The following UVRAG variants were observed in gnomAD, a reference collection of about 807,000 sequenced individuals.
UVRAG encodes the protein UV radiation resistance-associated gene protein.
Under a neutral mutation model 78.0 loss-of-function variants are expected in UVRAG, and 19 were observed. That is an observed-to-expected ratio of 0.24 (90% CI 0.17 to 0.36). The LOEUF is 0.36. UVRAG is among the 10% of genes least tolerant of loss of function. UVRAG has a pLI of 1.00. For missense variants in UVRAG, 740 were observed against 853.8 expected (o/e 0.87, Z 1.66); for synonymous variants, 323 against 324.6 (o/e 1.00, Z 0.05).
intron 6 of UVRAG, among the ~76,000 whole-genome samples, chr11:75,917,810 A>G (rs1297029188): frequency 6.6e-6 from 1 of 152,180 alleles, no homozygotes; most frequent in African/African-American, 2.4e-5. Context: ...GATATAGTTG[A>G]TGATAAACCA....
At chr11:75,848,830 T>C (rs1946090238) in intron 1 of UVRAG, among the ~76,000 whole-genome samples, 1 of 152,262 alleles carries the variant, frequency 6.6e-6, no homozygotes, top group African/African-American at 2.4e-5. Context: ...TTTCCTTCTT[T>C]TGAGATATCT....
intron 1 of UVRAG, among the ~76,000 whole-genome samples, chr11:75,819,093 C>T (rs751545647): frequency 1.3e-5 from 2 of 152,086 alleles, no homozygotes; most frequent in African/African-American, 4.8e-5. Context: ...AGAGAGTATC[C>T]TTGTTATTAT....
At chr11:75,858,452 G>GT (rs1490536277) in intron 2 of UVRAG, among the ~76,000 whole-genome samples, 12 of 151,798 alleles carry the variant, frequency 7.9e-5, no homozygotes, top group Admixed American at 2.0e-4. Flanking sequence ...CCTGTATTTT[G>GT]TTTTTTTCTG....
At chr11:75,937,268 G>A (rs1482504439) in intron 6 of UVRAG, among the ~76,000 whole-genome samples, 1 of 152,124 alleles carries the variant, frequency 6.6e-6, no homozygotes, top group Non-Finnish European at 1.5e-5. Context: ...AACCTGAGAG[G>A]CAGAGGTTGC....
intron 6 of UVRAG, among the ~76,000 whole-genome samples, chr11:75,937,757 A>G (rs1056949603): frequency 1.3e-5 from 2 of 152,072 alleles, no homozygotes; most frequent in African/African-American, 4.8e-5. Flanking sequence ...GTATTCTTGC[A>G]TCTGTGGGTT....
intron 14 of UVRAG, among the ~76,000 whole-genome samples, chr11:76,120,922 T>A (rs1952262289): frequency 6.6e-6 from 1 of 152,220 alleles, no homozygotes; most frequent in African/African-American, 2.4e-5. Flanking sequence ...GGCTCTTACA[T>A]CTTTTGTAAA....
rs192024939 is a variant in UVRAG at position 75,969,682 on chromosome 11, T to C, written c.699+8133T>C. On this transcript the variant is annotated intron_variant, in intron 7 of 14. Coordinates refer to ENST00000356136, the MANE Select transcript of UVRAG (RefSeq NM_003369.4). ...TTTTCTGCTGTTTTCTCAGCTTGAATGTCTTTAACAGATGATCATACCATC... is the reference window on the plus strand; with the variant it reads ...TTTTCTGCTGTTTTCTCAGCTTGAACGTCTTTAACAGATGATCATACCATC... Among the ~76,000 whole-genome samples the C allele has an allele frequency of 2.4e-3, 370 of 152,340 alleles. 1 individual carries two copies. The highest frequency in any genetic ancestry group is 0.02 in the Middle Eastern group (6 of 294).
chr11:76,058,256 C>T (rs992940533), intron 12 of UVRAG, among the ~76,000 whole-genome samples: 2 of 152,068 alleles, frequency 1.3e-5, no homozygotes, highest in African/African-American at 2.4e-5. Context: ...TAGGTCCGGG[C>T]ATGGTCACTC....
chr11:75,844,235 C>CT (rs757418052), intron 1 of UVRAG, among the ~76,000 whole-genome samples: 2,494 of 148,040 alleles, frequency 0.017, 31 homozygotes, highest in Non-Finnish European at 0.025. Flanking sequence ...TTCTTTTTTT[C>CT]TTTTTTTTTT....
At chr11:76,059,498 C>T (rs2134368009) in intron 12 of UVRAG, among the ~76,000 whole-genome samples, 1 of 152,302 alleles carries the variant, frequency 6.6e-6, no homozygotes, top group Middle Eastern at 3.4e-3. Flanking sequence ...CCTTTCCCCA[C>T]CCACCCAGGC....
chr11:75,994,503 A>G (rs1949669539), intron 8 of UVRAG, among the ~76,000 whole-genome samples: 1 of 152,216 alleles, frequency 6.6e-6, no homozygotes, highest in Non-Finnish European at 1.5e-5. Context: ...AAACTTTGCA[A>G]AACATTCGTT....
At chr11:75,831,507 A>C (rs11236550) in intron 1 of UVRAG, among the ~76,000 whole-genome samples, 8,087 of 150,146 alleles carry the variant, frequency 0.054, 518 homozygotes, top group African/African-American at 0.16. Flanking sequence ...AACAAACAAA[A>C]AAAAAAAACA....
intron 13 of UVRAG, among the ~76,000 whole-genome samples, chr11:76,107,320 TG>T (rs1951989114): frequency 6.6e-6 from 1 of 152,222 alleles, no homozygotes; most frequent in Non-Finnish European, 1.5e-5. Flanking sequence ...TTCTGGTCCC[TG>T]GACTCAACCT....
chr11:75,841,658 C>T (rs1011722910), intron 1 of UVRAG, among the ~76,000 whole-genome samples: 5 of 152,118 alleles, frequency 3.3e-5, no homozygotes, highest in Non-Finnish European at 2.9e-5. Context: ...AATTTTATGA[C>T]TTGTGAAATG....
chr11:76,022,497 T>A (rs1452185657), intron 12 of UVRAG, among the ~76,000 whole-genome samples: 2 of 152,352 alleles, frequency 1.3e-5, no homozygotes, highest in Non-Finnish European at 2.9e-5. Flanking sequence ...TCTTGTTATG[T>A]CTGCCTGATG....
At chr11:75,855,446 A>C (rs1214041992) in intron 2 of UVRAG, among the ~76,000 whole-genome samples, 1 of 152,250 alleles carries the variant, frequency 6.6e-6, no homozygotes, top group Non-Finnish European at 1.5e-5. Flanking sequence ...TCCCATTCCA[A>C]AATGTCATGG....
rs111284715 is a variant in UVRAG, at chr11:76,073,405, G to T, written c.1305+7617G>T. ...TCTCAAAACTGAATGAAGTGAGCCT[G>T]TCTCTTAAAGGAAATCAACTGATGA... On this transcript the variant is annotated intron_variant, in intron 13 of 14. Transcript: ENST00000356136. 2.1e-3 allele frequency among the ~76,000 whole-genome samples: 325 copies of T among 152,250 alleles called. 1 individual carries two copies. The highest frequency in any genetic ancestry group is 7.4e-3 in the African/African-American group (308 of 41,556).
At chr11:76,103,957 T>TA (rs35753390) in intron 13 of UVRAG, among the ~76,000 whole-genome samples, 149 of 145,526 alleles carry the variant, frequency 1.0e-3, no homozygotes, top group African/African-American at 1.9e-3. Flanking sequence ...CTTCTCTGAT[T>TA]AAAAAAAAAA....
chr11:75,852,057 A>G, intron 2 of UVRAG, 57 bp downstream of exon 2: 1 of 1,264,478 alleles, frequency 7.9e-7, no homozygotes, highest in African/African-American at 1.5e-5. Context: ...TTTTTTTTGT[A>G]ACACAAGTGA....
Sources: allele counts gnomAD v4.1 joint callset (sites outside exome capture counted in the v4.1 genomes callset), GRCh38; gene constraint gnomAD v4.1.1; transcripts MANE v1.5; gene names NCBI Gene and HGNC (gene_info 2026-07-23, HGNC 2026-07-21).